The following MSRB3 variants were observed in gnomAD, a reference collection of about 807,000 sequenced individuals.
MSRB3 encodes the protein methionine-R-sulfoxide reductase B3.
Under a neutral mutation model 21.0 loss-of-function variants are expected in MSRB3, and 13 were observed. That is an observed-to-expected ratio of 0.62 (90% CI 0.40 to 0.98). The LOEUF is 0.98. MSRB3 is among the 50% of genes least tolerant of loss of function. MSRB3 has a pLI of 0.00. For synonymous variants in MSRB3, 87 were observed against 88.6 expected (o/e 0.98, Z 0.10); for missense variants, 199 against 230.3 (o/e 0.86, Z 0.88).
At chr12:65,456,737 TC>T (rs1883104527) in intron 6 of MSRB3, among the ~76,000 whole-genome samples, 1 of 152,206 alleles carries the variant, frequency 6.6e-6, no homozygotes, top group Admixed American at 6.5e-5. Context: ...AGGAATTTGT[TC>T]CGCTAAGGCA....
At chr12:65,444,396 C>A (rs1882520778) in intron 5 of MSRB3, among the ~76,000 whole-genome samples, 1 of 152,170 alleles carries the variant, frequency 6.6e-6, no homozygotes, top group Non-Finnish European at 1.5e-5. Context: ...TGTAGTCTTT[C>A]TTCAAATATG....
rs1414321849 is a variant in MSRB3 at position 65,435,297 on chromosome 12, T to A, written c.293-18431T>A. ...CTTTTGGCCAAGATCAAATCTATAT[T>A]TTAAAATGTTTTTCATATGTTTCAA... is the stretch of plus-strand genomic sequence containing the variant. On this transcript the variant is annotated intron_variant, in intron 5 of 6. Coordinates refer to ENST00000308259, the MANE Select transcript of MSRB3 (RefSeq NM_001031679.3). 3.3e-5 allele frequency among the ~76,000 whole-genome samples: 5 copies of A among 151,976 alleles called. No individual in the cohort carries two copies. The East Asian group carries it at 9.6e-4, about 29-fold the overall frequency.
At chr12:65,429,347 A>G (rs1881769109) in intron 5 of MSRB3, among the ~76,000 whole-genome samples, 1 of 152,120 alleles carries the variant, frequency 6.6e-6, no homozygotes, top group African/African-American at 2.4e-5. Context: ...TGAGAATACA[A>G]CCACACAAAG....
intron 6 of MSRB3, among the ~76,000 whole-genome samples, chr12:65,462,172 TA>T (rs1883358955): frequency 6.6e-6 from 1 of 152,180 alleles, no homozygotes; most frequent in Non-Finnish European, 1.5e-5. Flanking sequence ...TGATCCATGA[TA>T]AATGATGGAT....
Position 65,333,175 on chromosome 12 carries a change from G to A in MSRB3, c.263+4572G>A, listed in dbSNP as rs373315644. Among the ~76,000 whole-genome samples the A allele has an allele frequency of 6.6e-5, 10 of 152,252 alleles. No individual in the cohort carries two copies. In the East Asian group the frequency reaches 1.3e-3, roughly 21 times the overall value. ...TTTGGTTGACACTTTCCTAGGTATT[G>A]TGGAATAAATAAAATAAATTTATGA... On this transcript the variant is annotated intron_variant, in intron 4 of 6. Transcript: ENST00000308259.
At chr12:65,442,540 C>A (rs1882432123) in intron 5 of MSRB3, among the ~76,000 whole-genome samples, 1 of 152,000 alleles carries the variant, frequency 6.6e-6, no homozygotes, top group African/African-American at 2.4e-5. Flanking sequence ...GTCAGTTAAG[C>A]ACAGTAAATA....
At chr12:65,308,454 C>T in intron 1 of MSRB3, 75 bp from the exon 2 acceptor site, 1 of 1,545,122 alleles carries the variant, frequency 6.5e-7, no homozygotes, top group South Asian at 1.2e-5. Context: ...CTGTAACCAT[C>T]AGTTGTGCAA....
intron 5 of MSRB3, among the ~76,000 whole-genome samples, chr12:65,379,386 A>C (rs1316085613): frequency 2.0e-5 from 3 of 152,234 alleles, no homozygotes; most frequent in African/African-American, 4.8e-5. Context: ...TTCCTACCTT[A>C]TTGAAATAAA....
chr12:65,380,907 A>G (rs997288284), intron 5 of MSRB3, among the ~76,000 whole-genome samples: 10 of 152,134 alleles, frequency 6.6e-5, no homozygotes, highest in Non-Finnish European at 1.5e-4. Flanking sequence ...GATGAAAACA[A>G]TGTTTTATGC....
At chr12:65,365,171 G>A (rs766699183) in intron 4 of MSRB3, among the ~76,000 whole-genome samples, 18 of 151,348 alleles carry the variant, frequency 1.2e-4, no homozygotes, top group Middle Eastern at 3.4e-3. Context: ...TCATTTGTTC[G>A]TGTGTTAATT....
chr12:65,397,980 T>A (rs1879907784), intron 5 of MSRB3, among the ~76,000 whole-genome samples: 1 of 152,246 alleles, frequency 6.6e-6, no homozygotes, highest in Non-Finnish European at 1.5e-5. Flanking sequence ...GATGTATATG[T>A]GCCACATTTT....
chr12:65,413,076 G>A (rs1397787254), intron 5 of MSRB3, among the ~76,000 whole-genome samples: 3 of 152,042 alleles, frequency 2.0e-5, no homozygotes, highest in South Asian at 2.1e-4. Context: ...CAGACACAGA[G>A]CCAAACCATA....
At chr12:65,320,870 A>G (rs138639568) in intron 2 of MSRB3, among the ~76,000 whole-genome samples, 5,699 of 152,252 alleles carry the variant, frequency 0.037, 154 homozygotes, top group Middle Eastern at 0.058. Context: ...AGGTTTTAGC[A>G]CTTTCACTGA....
chr12:65,318,946 A>G (rs1456378137), intron 2 of MSRB3, among the ~76,000 whole-genome samples: 2 of 152,190 alleles, frequency 1.3e-5, no homozygotes, highest in Non-Finnish European at 2.9e-5. Flanking sequence ...TGTGGCTTCT[A>G]TCGTACAGTC....
At chr12:65,320,947 C>T (rs1374773645) in intron 2 of MSRB3, among the ~76,000 whole-genome samples, 2 of 152,196 alleles carry the variant, frequency 1.3e-5, no homozygotes, top group Admixed American at 1.3e-4. Context: ...TTGCATTGAT[C>T]ATTCCTGCCA....
intron 2 of MSRB3, among the ~76,000 whole-genome samples, chr12:65,326,003 C>T (rs1875002948): frequency 6.6e-6 from 1 of 152,214 alleles, no homozygotes; most frequent in African/African-American, 2.4e-5. Flanking sequence ...CATTCAAATA[C>T]AGTTAATCAG....
intron 5 of MSRB3, among the ~76,000 whole-genome samples, chr12:65,426,023 A>AT (rs1313679478): frequency 6.6e-6 from 1 of 151,578 alleles, no homozygotes; most frequent in African/African-American, 2.4e-5. Flanking sequence ...CGCCTGGCTA[A>AT]TTTTTTCTAT....
intron 5 of MSRB3, among the ~76,000 whole-genome samples, chr12:65,431,707 G>A (rs1881886949): frequency 6.6e-6 from 1 of 151,946 alleles, no homozygotes. Flanking sequence ...GATACTTTTT[G>A]ACATGCGAGT....
intron 4 of MSRB3, among the ~76,000 whole-genome samples, chr12:65,352,174 A>G (rs1276698661): frequency 6.6e-6 from 1 of 152,194 alleles, no homozygotes. Context: ...CAAATCAATA[A>G]ATGTAATCCA....
Sources: gnomAD v4.1 joint callset for allele counts (sites outside exome capture counted in the v4.1 genomes callset) on GRCh38, gnomAD v4.1.1 for gene constraint, MANE v1.5 for transcripts, NCBI Gene and HGNC (gene_info 2026-07-23, HGNC 2026-07-21) for gene names.